The following CDK8 variants were observed in gnomAD, a reference collection of about 807,000 sequenced individuals.
The protein encoded by CDK8 is cyclin-dependent kinase 8.
CDK8 carries 29 observed loss-of-function variants against 71.5 expected under a neutral mutation model. That is an observed-to-expected ratio of 0.41 (90% CI 0.30 to 0.55). The LOEUF is 0.55. CDK8 is among the 20% of genes least tolerant of loss of function. The pLI is 0.37. For synonymous variants in CDK8, 161 were observed against 192.1 expected (o/e 0.84, Z 1.34); for missense variants, 288 against 572.6 (o/e 0.50, Z 5.07).
chr13:26,368,933 G>A (rs967808450), intron 4 of CDK8, among the ~76,000 whole-genome samples: 1 of 151,816 alleles, frequency 6.6e-6, no homozygotes, highest in East Asian at 1.9e-4. Flanking sequence ...CCAACACACT[G>A]TCATGATGTT....
intron 1 of CDK8, among the ~76,000 whole-genome samples, chr13:26,323,025 A>G (rs913807930): frequency 2.6e-5 from 4 of 152,120 alleles, no homozygotes; most frequent in African/African-American, 9.7e-5. Context: ...TTTGGGCAAT[A>G]GGTACATAGA....
chr13:26,266,869 A>G (rs1872043507), intron 1 of CDK8, among the ~76,000 whole-genome samples: 1 of 152,224 alleles, frequency 6.6e-6, no homozygotes, highest in East Asian at 1.9e-4. Context: ...AATAAAAAGA[A>G]AATGGCTTTT....
intron 1 of CDK8, among the ~76,000 whole-genome samples, chr13:26,326,551 G>A (rs1239554712): frequency 2.6e-5 from 4 of 152,256 alleles, no homozygotes; most frequent in South Asian, 4.1e-4. Flanking sequence ...TGTCTCTTTC[G>A]TTCCTTTTGA....
intron 1 of CDK8, among the ~76,000 whole-genome samples, chr13:26,284,681 A>G (rs897102772): frequency 2.6e-5 from 4 of 152,212 alleles, no homozygotes; most frequent in African/African-American, 4.8e-5. Context: ...GCTAGATTCT[A>G]TCAGGCATTC....
chr13:26,359,569 T>G (rs1874044154), intron 4 of CDK8: 1 of 188,076 alleles, frequency 5.3e-6, no homozygotes, highest in Non-Finnish European at 1.2e-5. Flanking sequence ...CTGAACTGTT[T>G]CTGAAAAAGT....
Position 26,254,603 on chromosome 13 carries a change from G to T in CDK8, c.-39G>T, listed in dbSNP as rs187998245. 5 of 1,454,178 alleles carry T rather than the reference G, an allele frequency of 3.4e-6. No homozygotes were observed. The highest frequency in any genetic ancestry group is 4.7e-6 in the Non-Finnish European group (5 of 1,067,026). The allele number at this position is 1,454,178 out of a possible 1,614,324, so 90.1% of individuals were successfully genotyped here. A position where few individuals can be genotyped will look rare whatever the true frequency, so the allele number is the denominator to read the frequency against. On this transcript the variant is annotated 5_prime_UTR_variant, in exon 1 of 13. Transcript: ENST00000381527. The surrounding 1 kb of genome is among the most constrained non-coding windows in gnomAD (Gnocchi z 6.7). The stretch of plus-strand genomic sequence containing the variant: ...CCCCGGTCCCCACCCCTGCCCCCCG[G>T]CCCCCCGACCCAGCTCTCCGGCCTC...
At chr13:26,257,545 A>G (rs1233364897) in intron 1 of CDK8, among the ~76,000 whole-genome samples, 1 of 152,184 alleles carries the variant, frequency 6.6e-6, no homozygotes, top group Non-Finnish European at 1.5e-5. Flanking sequence ...GTCGCCGTAA[A>G]TGAGATAGTG....
rs180924049 is a variant in CDK8 at position 26,302,713 on chromosome 13, G to A, written c.129-34854G>A. ...TATAGTTTAGGGGAGAGATATTGATGGGGGAGAGTATCCCCAAGAGACATC... is the reference window on the plus strand; with the variant it reads ...TATAGTTTAGGGGAGAGATATTGATAGGGGAGAGTATCCCCAAGAGACATC... On this transcript the variant is annotated intron_variant, in intron 1 of 12. Transcript: ENST00000381527. Among the ~76,000 whole-genome samples the A allele has an allele frequency of 5.3e-5, 8 of 152,292 alleles. No individual in the cohort carries two copies. The East Asian group carries it at 1.5e-3, about 29-fold the overall frequency.
At chr13:26,296,473 T>G (rs1482563675) in intron 1 of CDK8, among the ~76,000 whole-genome samples, 1 of 152,176 alleles carries the variant, frequency 6.6e-6, no homozygotes, top group Admixed American at 6.5e-5. Flanking sequence ...TTCAGAATCC[T>G]CTTAAGTGGT....
intron 1 of CDK8, among the ~76,000 whole-genome samples, chr13:26,300,490 G>C (rs1460185572): frequency 6.6e-6 from 1 of 152,154 alleles, no homozygotes; most frequent in Admixed American, 6.5e-5. Context: ...GTTGACCATA[G>C]GTAACTGATA....
At chr13:26,324,815 CTGAT>C (rs532225468) in intron 1 of CDK8, 2 of 889,162 alleles carry the variant, frequency 2.2e-6, no homozygotes, top group South Asian at 1.0e-4. Flanking sequence ...TTAAGAAAGA[CTGAT>C]TGGTAAGTAA....
intron 1 of CDK8, among the ~76,000 whole-genome samples, chr13:26,278,553 C>T (rs951214702): frequency 2.0e-5 from 3 of 152,120 alleles, no homozygotes; most frequent in African/African-American, 7.2e-5. Context: ...TGGGATAAAA[C>T]TTGCAAGAAC....
chr13:26,398,835 A>G (rs1265973932), intron 9 of CDK8, among the ~76,000 whole-genome samples: 1 of 151,716 alleles, frequency 6.6e-6, no homozygotes, highest in Non-Finnish European at 1.5e-5. Context: ...GTGGTGGTAC[A>G]TGCCTGTAGT....
intron 4 of CDK8, among the ~76,000 whole-genome samples, chr13:26,355,347 G>C (rs913799379): frequency 2.4e-4 from 36 of 152,346 alleles, no homozygotes; most frequent in African/African-American, 8.7e-4. Context: ...CAGGCACAGT[G>C]GTTCATGCCT....
intron 1 of CDK8, among the ~76,000 whole-genome samples, chr13:26,303,475 A>AT (rs1365740199): frequency 1.3e-5 from 2 of 151,624 alleles, no homozygotes; most frequent in African/African-American, 2.4e-5. Flanking sequence ...TAATTTTTGT[A>AT]TTTTTTGGTA....
chr13:26,399,067 T>C (rs1876130587), intron 9 of CDK8, among the ~76,000 whole-genome samples: 1 of 151,682 alleles, frequency 6.6e-6, no homozygotes, highest in Non-Finnish European at 1.5e-5. Context: ...TAGAGTGCAG[T>C]GGTGTGATCT....
intron 12 of CDK8, among the ~76,000 whole-genome samples, chr13:26,403,457 G>GA (rs931287725): frequency 1.3e-3 from 190 of 147,002 alleles, no homozygotes; most frequent in African/African-American, 4.3e-3. Context: ...TGTCTCAAAA[G>GA]AAAAAAAAAA....
At chr13:26,260,471 A>G (rs1871724394) in intron 1 of CDK8, among the ~76,000 whole-genome samples, 1 of 152,190 alleles carries the variant, frequency 6.6e-6, no homozygotes, top group Non-Finnish European at 1.5e-5. Context: ...TCTGGTTGGC[A>G]AATGATTCTG....
At chr13:26,403,497 G>A (rs1229595324) in intron 12 of CDK8, among the ~76,000 whole-genome samples, 5 of 152,096 alleles carry the variant, frequency 3.3e-5, no homozygotes, top group Admixed American at 3.3e-4. Flanking sequence ...ATGTATTAAT[G>A]CCAAAGAAAT....
Sources: allele counts gnomAD v4.1 joint callset (sites outside exome capture counted in the v4.1 genomes callset), GRCh38; gene constraint gnomAD v4.1.1; non-coding constraint Gnocchi (gnomAD v3.1); transcripts MANE v1.5; gene names NCBI Gene and HGNC (gene_info 2026-07-23, HGNC 2026-07-21).